The following MCTP1 variants were observed in gnomAD, a reference collection of about 807,000 sequenced individuals.
The protein encoded by MCTP1 is multiple C2 and transmembrane domain containing 1.
A neutral mutation model predicts 120.6 loss-of-function variants in MCTP1; 69 were observed. That is an observed-to-expected ratio of 0.57 (90% CI 0.47 to 0.70). The LOEUF (loss-of-function observed/expected upper bound fraction) is 0.70, where lower values mean the gene tolerates loss of function less well. MCTP1 is among the 30% of genes least tolerant of loss of function. MCTP1 has a pLI of 0.00. For missense variants in MCTP1, 1,203 were observed against 1,248.8 expected (o/e 0.96, Z 0.55); for synonymous variants, 529 against 493.1 (o/e 1.07, Z -0.96).
chr5:95,082,189 G>A (rs1224361524), intron 1 of MCTP1, among the ~76,000 whole-genome samples: 1 of 152,024 alleles, frequency 6.6e-6, no homozygotes, highest in Non-Finnish European at 1.5e-5. Flanking sequence ...CCTTTCCTAC[G>A]CTGTCATTAC....
At chr5:94,798,529 C>T (rs57508061) in intron 18 of MCTP1, among the ~76,000 whole-genome samples, 19,195 of 152,044 alleles carry the variant, frequency 0.13, 1,713 homozygotes, top group African/African-American at 0.25. Context: ...TGTTGTCCAG[C>T]GAACCTTCAT....
chr5:94,956,929 C>A (rs1466966997), intron 2 of MCTP1, among the ~76,000 whole-genome samples: 1 of 152,116 alleles, frequency 6.6e-6, no homozygotes, highest in Non-Finnish European at 1.5e-5. Flanking sequence ...CACAAAGATA[C>A]TCCTCAAGAA....
chr5:94,735,662 A>G (rs1244285255), intron 19 of MCTP1, among the ~76,000 whole-genome samples: 1 of 152,248 alleles, frequency 6.6e-6, no homozygotes, highest in African/African-American at 2.4e-5. Context: ...TTCACTCTAT[A>G]TAAATAGCCA....
intron 18 of MCTP1, among the ~76,000 whole-genome samples, chr5:94,781,149 T>C (rs1156235936): frequency 6.6e-6 from 1 of 151,094 alleles, no homozygotes; most frequent in African/African-American, 2.4e-5. Context: ...TTTTTTTTGC[T>C]GAAATTACCC....
At chr5:94,804,131 T>C (rs1781771273) in intron 17 of MCTP1, among the ~76,000 whole-genome samples, 1 of 152,190 alleles carries the variant, frequency 6.6e-6, no homozygotes, top group Admixed American at 6.5e-5. Context: ...AAGCTACTAA[T>C]TGTGGAGTGG....
chr5:95,077,761 T>C (rs967682450), intron 1 of MCTP1, among the ~76,000 whole-genome samples: 1 of 152,164 alleles, frequency 6.6e-6, no homozygotes, highest in African/African-American at 2.4e-5. Flanking sequence ...CGTGAGCCAC[T>C]GCGCCTGGCC....
rs1418309052 is a variant in MCTP1 at position 95,202,781 on chromosome 5, G to A, written c.720+81075C>T. Among the ~76,000 whole-genome samples, 10 of 152,080 alleles carry A rather than the reference G, an allele frequency of 6.6e-5. No individual in the cohort carries two copies. In the East Asian group the frequency reaches 1.9e-3, roughly 29 times the overall value. On this transcript the variant is annotated intron_variant, in intron 1 of 22. Coordinates refer to ENST00000515393, the MANE Select transcript of MCTP1 (RefSeq NM_024717.7). ...CTTGCTCTGTTGCCCAGGCTGGAGT[G>A]CAGTGGTGTAATCTCAGCTCACTGC...
intron 1 of MCTP1, among the ~76,000 whole-genome samples, chr5:95,272,939 C>T (rs464001): frequency 0.84 from 128,380 of 152,250 alleles, 54,236 homozygotes; most frequent in African/African-American, 0.89. Context: ...AAGTCACAAT[C>T]ACAGCCAAAC....
chr5:95,053,155 T>G (rs180844930), intron 1 of MCTP1, among the ~76,000 whole-genome samples: 1 of 152,198 alleles, frequency 6.6e-6, no homozygotes, highest in Non-Finnish European at 1.5e-5. Flanking sequence ...TTTGGAGAAG[T>G]ACAGACGGAA....
chr5:95,125,061 G>A (rs1248503335), intron 1 of MCTP1, among the ~76,000 whole-genome samples: 2 of 152,084 alleles, frequency 1.3e-5, no homozygotes, highest in Non-Finnish European at 2.9e-5. Context: ...ACATTTTAAG[G>A]GTCAAGGATT....
intron 1 of MCTP1, among the ~76,000 whole-genome samples, chr5:95,122,539 G>T (rs551304218): frequency 1.3e-5 from 2 of 152,074 alleles, no homozygotes; most frequent in African/African-American, 2.4e-5. Flanking sequence ...AAACCCTCCC[G>T]CACTCTGGGT....
rs534917595 is a variant in MCTP1 at position 95,115,369 on chromosome 5, A to G, written c.721-97885T>C. On this transcript the variant is annotated intron_variant, in intron 1 of 22. Coordinates refer to ENST00000515393, the MANE Select transcript of MCTP1 (RefSeq NM_024717.7). ...AAAATAGCTGTCTTGAGGAAACTCA[A>G]AGAATTTCAAGATAATACAAAGAAG... Among the ~76,000 whole-genome samples the G allele has an allele frequency of 3.9e-5, 6 of 152,278 alleles. No individual in the cohort carries two copies. The South Asian group carries it at 1.2e-3, about 32-fold the overall frequency.
At chr5:94,998,996 T>C (rs185547809) in intron 2 of MCTP1, among the ~76,000 whole-genome samples, 3 of 152,326 alleles carry the variant, frequency 2.0e-5, no homozygotes, top group Admixed American at 2.0e-4. Flanking sequence ...GGTTGTTAGT[T>C]GGAAAGTTAA....
chr5:94,974,514 A>G (rs572848756), intron 2 of MCTP1, among the ~76,000 whole-genome samples: 11 of 152,212 alleles, frequency 7.2e-5, no homozygotes, highest in African/African-American at 2.2e-4. Flanking sequence ...GTGCCACTGT[A>G]CTCCAGCCTG....
chr5:94,751,795 T>A (rs1310653632), intron 19 of MCTP1, among the ~76,000 whole-genome samples: 1 of 152,048 alleles, frequency 6.6e-6, no homozygotes, highest in Non-Finnish European at 1.5e-5. Context: ...TGTCTTTTGT[T>A]CTAGGATCAA....
At chr5:94,868,295 T>C (rs780930894) in intron 17 of MCTP1, 38 bp downstream of exon 17, 1 of 1,534,332 alleles carries the variant, frequency 6.5e-7, no homozygotes, top group African/African-American at 1.4e-5. Context: ...TTACTGAATT[T>C]AATGAATAAC....
chr5:94,738,789 G>A (rs1282984970), intron 19 of MCTP1, among the ~76,000 whole-genome samples: 1 of 152,138 alleles, frequency 6.6e-6, no homozygotes, highest in Non-Finnish European at 1.5e-5. Context: ...GGCGATTGTT[G>A]TGTGTTTTAA....
At chr5:94,850,964 A>G (rs1456709336) in intron 17 of MCTP1, among the ~76,000 whole-genome samples, 2 of 152,124 alleles carry the variant, frequency 1.3e-5, no homozygotes, top group Admixed American at 6.6e-5. Context: ...AACTATCTAC[A>G]TTCAATATTT....
rs551518812 is a variant in MCTP1, at chr5:95,054,233, T to C, written c.721-36749A>G. On this transcript the variant is annotated intron_variant, in intron 1 of 22. Transcript: ENST00000515393. ...CCTGTCCAAGATTACCCGGTTACTG[T>C]AGTAGTGGAGCCAAGACTAGCTTCA... Among the ~76,000 whole-genome samples the C allele has an allele frequency of 3.9e-5, 6 of 152,302 alleles. No homozygotes were observed. In the East Asian group the frequency reaches 1.2e-3, roughly 29 times the overall value.
Sources: gnomAD v4.1 joint callset for allele counts (sites outside exome capture counted in the v4.1 genomes callset) on GRCh38, gnomAD v4.1.1 for gene constraint, MANE v1.5 for transcripts, NCBI Gene and HGNC (gene_info 2026-07-23, HGNC 2026-07-21) for gene names.